Variants in PTGDR observed in about 807,000 individuals in gnomAD.
The protein encoded by PTGDR is PGD2 receptor.
A neutral mutation model predicts 17.4 loss-of-function variants in PTGDR; 19 were observed. The observed-to-expected ratio is 1.09, with a 90% CI of 0.76 to 1.60. The LOEUF (loss-of-function observed/expected upper bound fraction) is 1.60. Ranked by LOEUF, PTGDR falls within the 40% of genes most tolerant of loss-of-function variation. The pLI is 0.00. For synonymous variants in PTGDR, 267 were observed against 224.2 expected (o/e 1.19, Z -1.71); for missense variants, 526 against 481.9 (o/e 1.09, Z -0.86).
chr14:52,272,466 T>TAAAA (rs59312780), intron 1 of PTGDR, among the ~76,000 whole-genome samples: 2 of 144,948 alleles, frequency 1.4e-5, no homozygotes, highest in African/African-American at 5.1e-5. Context: ...GACTCTGTCT[T>TAAAA]AAAAAAAAAA....
chr14:52,270,231 C>T (rs1027692764), intron 1 of PTGDR, among the ~76,000 whole-genome samples: 1 of 152,172 alleles, frequency 6.6e-6, no homozygotes, highest in Non-Finnish European at 1.5e-5. Context: ...TTATTCTTCT[C>T]CTTAGTAGAT....
In PTGDR at chr14:52,269,610, A is replaced by G. The variant is rs1020920081; in HGVS notation, c.846+950A>G. On this transcript the variant is annotated intron_variant, in intron 1 of 1. Coordinates refer to ENST00000306051, the MANE Select transcript of PTGDR (RefSeq NM_000953.3). ...AATCCCACGTTCTCGAAATCCTGAG[A>G]CTTCTGTGAATAGGAAAGTTGTTAA... 18 of 1,249,552 alleles carry G rather than the reference A, an allele frequency of 1.4e-5. No homozygotes were observed. In the South Asian group the frequency reaches 2.4e-4, roughly 16 times the overall value. 77.4% of individuals were successfully genotyped at this position (1,249,552 alleles called of 1,614,324 possible).
At position 52,267,833 on chromosome 14, in the gene PTGDR, C is replaced by A. The variant is rs41311442; in HGVS notation, c.19C>A (p.Arg7Ser). MKSPFY[R>S]CQNTTSVEKG... Reference sequence around the variant, plus strand: ...GCACGCCATGAAGTCGCCGTTCTACCGCTGCCAGAACACCACCTCTGTGGA... The same window carrying A: ...GCACGCCATGAAGTCGCCGTTCTACAGCTGCCAGAACACCACCTCTGTGGA... Residue 7 changes from arginine to serine, a missense_variant, in exon 1 of 2, where the codon CGC becomes AGC. Arg to Ser is a moderately radical substitution (Grantham distance 110). Coordinates refer to ENST00000306051, the MANE Select transcript of PTGDR (RefSeq NM_000953.3). The A allele has an allele frequency of 6.4e-7, 1 of 1,570,104 alleles. No homozygotes were observed. Among genetic ancestry groups the A allele is most frequent in the East Asian group, 2.3e-5 (1 of 44,376 alleles).
In PTGDR at chr14:52,267,768, C is replaced by T; in HGVS notation, c.-47C>T. The T allele has an allele frequency of 6.7e-7, 1 of 1,496,434 alleles. No homozygotes were observed. Among genetic ancestry groups the T allele is most frequent in the Non-Finnish European group, 8.9e-7 (1 of 1,125,516 alleles). 92.7% of individuals were successfully genotyped at this position (1,496,434 alleles called of 1,614,324 possible). On this transcript the variant is annotated 5_prime_UTR_variant, in exon 1 of 2. Coordinates refer to ENST00000306051, the MANE Select transcript of PTGDR (RefSeq NM_000953.3). Reference sequence around the variant, plus strand: ...CTCCTTAGCACCCGGGCGCCGGGGCCCTCGCCCTTCCGCAGCCTTCACTCC... The same window carrying T: ...CTCCTTAGCACCCGGGCGCCGGGGCTCTCGCCCTTCCGCAGCCTTCACTCC...
At chr14:52,269,656 C>A in intron 1 of PTGDR, 1 of 870,978 alleles carries the variant, frequency 1.1e-6, no homozygotes, top group Non-Finnish European at 1.7e-6. Flanking sequence ...AGAATGTAGC[C>A]ATTTTGGATA....
chr14:52,272,442 G>T (rs971258805), intron 1 of PTGDR, among the ~76,000 whole-genome samples: 1 of 150,724 alleles, frequency 6.6e-6, no homozygotes, highest in African/African-American at 2.5e-5. Flanking sequence ...ACCCCAGCCT[G>T]GGTGACAGAG....
downstream of PTGDR, among the ~76,000 whole-genome samples, chr14:52,279,693 T>A (rs74049581): frequency 0.029 from 4,415 of 152,164 alleles, 200 homozygotes; most frequent in African/African-American, 0.1. Flanking sequence ...CTTCCAGATA[T>A]TTTTATACAA....
rs1483243294 is a variant in PTGDR at position 52,268,556 on chromosome 14, G to A, written c.742G>A (p.Ala248Thr). 2.5e-6 allele frequency: 4 copies of A among 1,612,576 alleles called. No homozygotes were observed. The highest frequency in any genetic ancestry group is 1.6e-4 in the Middle Eastern group (1 of 6,072). The part of the protein sequence containing the change: ...SCTRDCAEPR[A>T]DGREASPQPL... Reference sequence around the variant, plus strand: ...CACCAGGGACTGTGCCGAGCCGCGCGCGGACGGGAGGGAAGCGTCCCCTCA... The same window carrying A: ...CACCAGGGACTGTGCCGAGCCGCGCACGGACGGGAGGGAAGCGTCCCCTCA... Residue 248 changes from alanine (A) to threonine (T), a missense_variant, in exon 1 of 2, where the codon GCG becomes ACG. Physicochemically the swap from Ala to Thr is moderately conservative, Grantham distance 58. Coordinates refer to ENST00000306051, the MANE Select transcript of PTGDR (RefSeq NM_000953.3).
downstream of PTGDR, among the ~76,000 whole-genome samples, chr14:52,279,634 G>C (rs1429924021): frequency 6.6e-6 from 1 of 152,080 alleles, no homozygotes; most frequent in Non-Finnish European, 1.5e-5. Flanking sequence ...AAATTCAGTG[G>C]AATGAATCAG....
intron 1 of PTGDR, among the ~76,000 whole-genome samples, chr14:52,270,160 G>A (rs551360781): frequency 6.6e-6 from 1 of 152,138 alleles, no homozygotes; most frequent in Non-Finnish European, 1.5e-5. Context: ...AGACCCAAGA[G>A]TTTTGAGCTT....
downstream of PTGDR, among the ~76,000 whole-genome samples, chr14:52,277,894 C>A (rs996131979): frequency 1.3e-5 from 2 of 152,196 alleles, no homozygotes; most frequent in African/African-American, 4.8e-5. Context: ...CAAAAAAAGA[C>A]AAGTAAATAT....
chr14:52,277,576 C>G (rs41315122), downstream of PTGDR, among the ~76,000 whole-genome samples: 375 of 152,226 alleles, frequency 2.5e-3, 1 homozygote, highest in African/African-American at 8.6e-3. Flanking sequence ...ATGTGTATAC[C>G]CTTTCTTGAT....
At chr14:52,273,694 A>G (rs1289250962) in intron 1 of PTGDR, among the ~76,000 whole-genome samples, 1 of 152,186 alleles carries the variant, frequency 6.6e-6, no homozygotes, top group Admixed American at 6.5e-5. Flanking sequence ...GGAAAAATGC[A>G]TCTTCTCCAG....
chr14:52,268,174 A>T lies in PTGDR; in HGVS notation c.360A>T (p.Thr120=). 5.6e-6 allele frequency: 9 copies of T among 1,614,064 alleles called. No homozygotes were observed. Among genetic ancestry groups the T allele is most frequent in the Non-Finnish European group, 7.6e-6 (9 of 1,180,006 alleles). The change falls in exon 1 of 2, where the codon ACA becomes ACT. Residue 120 remains threonine, a synonymous_variant. Coordinates refer to ENST00000306051, the MANE Select transcript of PTGDR (RefSeq NM_000953.3). ...FFMSFFGLSS[T]LQLLAMALEC... ...TGTCCTTCTTTGGGCTCTCCTCGAC[A>T]CTGCAACTCCTGGCCATGGCACTGG...
intron 1 of PTGDR, 25 bp from the exon 2 acceptor site, chr14:52,274,706 A>G: frequency 6.5e-7 from 1 of 1,547,676 alleles, no homozygotes. Flanking sequence ...TCCACATCAT[A>G]ATGGAATGTT....
In PTGDR at chr14:52,267,908, C is replaced by G; in HGVS notation, c.94C>G (p.Leu32Val). Residue 32 changes from leucine (L) to valine (V), a missense_variant, in exon 1 of 2, where the codon CTG becomes GTG. By Grantham distance (32) the Leu-to-Val change is conservative. Transcript: ENST00000306051. ...MGGVLFSTGL[L>V]GNLLALGLLA... is the part of the protein sequence containing the mutation. ...CGGGGTGCTCTTCAGCACCGGCCTC[C>G]TGGGCAACCTGCTGGCCCTGGGGCT... is the stretch of plus-strand genomic sequence containing the variant. 1 of 1,610,078 alleles carries G rather than the reference C, an allele frequency of 6.2e-7. No individual in the cohort carries two copies. The highest frequency in any genetic ancestry group is 8.5e-7 in the Non-Finnish European group (1 of 1,178,558).
rs1430400339 is a variant in PTGDR, at chr14:52,268,573, G to A, written c.759G>A (p.Ala253=). ...CAEPRADGRE[A]SPQPLEELDH... Reference sequence around the variant, plus strand: ...AGCCGCGCGCGGACGGGAGGGAAGCGTCCCCTCAGCCCCTGGAGGAGCTGG... The same window carrying A: ...AGCCGCGCGCGGACGGGAGGGAAGCATCCCCTCAGCCCCTGGAGGAGCTGG... The change falls in exon 1 of 2, where the codon GCG becomes GCA. Residue 253 remains alanine, a synonymous_variant. Coordinates refer to ENST00000306051, the MANE Select transcript of PTGDR (RefSeq NM_000953.3). The A allele has an allele frequency of 6.2e-7, 1 of 1,612,472 alleles. No individual in the cohort carries two copies. The highest frequency in any genetic ancestry group is 2.2e-5 in the East Asian group (1 of 44,854).
rs2033411787 is a variant in PTGDR, at chr14:52,275,700, A to C, written c.*736A>C. The C allele has an allele frequency of 6.6e-6, 1 of 152,516 alleles. No individual in the cohort carries two copies. Among genetic ancestry groups the C allele is most frequent in the Admixed American group, 6.5e-5 (1 of 15,292 alleles). 9.4% of individuals were successfully genotyped at this position (152,516 alleles called of 1,614,324 possible). A position where few individuals can be genotyped will look rare whatever the true frequency, so the allele number is the denominator to read the frequency against. ...TCTTTTGTATTGAGTCAAGGGTGTC[A>C]GTAGGAATCAAAAGTTGGGGGTGGG... On this transcript the variant is annotated 3_prime_UTR_variant, in exon 2 of 2. Coordinates refer to ENST00000306051, the MANE Select transcript of PTGDR (RefSeq NM_000953.3).
intron 1 of PTGDR, among the ~76,000 whole-genome samples, chr14:52,271,115 G>A (rs1272509781): frequency 6.6e-6 from 1 of 152,160 alleles, no homozygotes; most frequent in Non-Finnish European, 1.5e-5. Context: ...TTCCTCATCT[G>A]TAAAATGATT....
Sources: gnomAD v4.1 joint callset for allele counts (sites outside exome capture counted in the v4.1 genomes callset) on GRCh38, gnomAD v4.1.1 for gene constraint, MANE v1.5 for transcripts, NCBI Gene and HGNC (gene_info 2026-07-23, HGNC 2026-07-21) for gene names.